The following ZFHX4 variants were observed in gnomAD, a reference collection of about 807,000 sequenced individuals.
ZFHX4 encodes zinc finger homeobox 4.
In ZFHX4, 56 loss-of-function variants were observed where a neutral mutation model predicts 267.6. That is an observed-to-expected ratio of 0.21 (90% CI 0.17 to 0.26). The LOEUF is 0.26. Among genes scored for constraint, ZFHX4 ranks in the 10% least tolerant of loss-of-function variants. The pLI is 1.00. For missense variants in ZFHX4, 4,332 were observed against 4,420.0 expected (o/e 0.98, Z 0.56); for synonymous variants, 1,778 against 1,665.6 (o/e 1.07, Z -1.64).
Position 76,705,431 on chromosome 8 carries a change from C to T in ZFHX4, c.1343C>T (p.Pro448Leu), listed in dbSNP as rs747741880. ...GACCAAGAGAACAACTGTGAAAGGC[C>T]AAAAGAAAGCAACGTTTTACACCCA... ...SKDQENNCER[P>L]KESNVLHPNG... Residue 448 changes from proline to leucine, a missense_variant, in exon 2 of 11, where the codon CCA (proline) becomes CTA (leucine). By Grantham distance (98) the Pro-to-Leu change is moderately conservative. Transcript: ENST00000651372. 54 of 1,613,666 alleles carry T rather than the reference C, an allele frequency of 3.3e-5. 3 individuals are homozygous for T. The South Asian group carries it at 5.9e-4, about 18-fold the overall frequency.
chr8:76,713,759 A>G (rs943746781), intron 3 of ZFHX4, among the ~76,000 whole-genome samples: 1 of 152,124 alleles, frequency 6.6e-6, no homozygotes, highest in East Asian at 1.9e-4. Context: ...TTCAGCGTGC[A>G]TTTTTTAAAA....
chr8:76,826,614 T>C (rs1056687234), intron 4 of ZFHX4, among the ~76,000 whole-genome samples: 1 of 152,164 alleles, frequency 6.6e-6, no homozygotes, highest in African/African-American at 2.4e-5. Context: ...AGAAATATTG[T>C]ATGATTCCAC....
Position 76,866,443 on chromosome 8 carries a change from T to A in ZFHX4, c.*1878T>A, listed in dbSNP as rs796475340. The A allele has an allele frequency of 4.6e-5, 7 of 152,498 alleles. No homozygotes were observed. The highest frequency in any genetic ancestry group is 1.7e-4 in the African/African-American group (7 of 41,464). The allele number at this position is 152,498 out of a possible 1,614,324, so 9.4% of individuals were successfully genotyped here. ...TCTATACATTTTATGTGAACTTTTT[T>A]AATGTCTTTAATTTGGATTTTTTTT... is the stretch of plus-strand genomic sequence containing the variant. On this transcript the variant is annotated 3_prime_UTR_variant, in exon 11 of 11. Coordinates refer to ENST00000651372, the MANE Select transcript of ZFHX4 (RefSeq NM_024721.5).
At chr8:76,786,870 C>T (rs1256699623) in intron 4 of ZFHX4, among the ~76,000 whole-genome samples, 1 of 152,102 alleles carries the variant, frequency 6.6e-6, no homozygotes, top group Non-Finnish European at 1.5e-5. Flanking sequence ...TATTTGTTCA[C>T]CATAACGAAG....
chr8:76,820,137 AATT>A (rs1276895887), intron 4 of ZFHX4, among the ~76,000 whole-genome samples: 22 of 152,174 alleles, frequency 1.4e-4, no homozygotes, highest in African/African-American at 5.3e-4. Flanking sequence ...CTTTGGCTGA[AATT>A]ATTTACCTTA....
chr8:76,864,315 C>G lies in ZFHX4; in HGVS notation c.10601C>G (p.Ser3534Cys). The change falls in exon 11 of 11, where the codon TCT becomes TGT. Residue 3534 changes from serine (S) to cysteine (C), a missense_variant. By Grantham distance (112) the Ser-to-Cys change is moderately radical. This residue lies in a region of ZFHX4 where 1,648 missense variants were observed against 1,625.0 expected (regional missense o/e 1.01). Transcript: ENST00000651372. ...TGGCCTAATATCCTTTTCCAAGCGT[C>G]TGCCAGGAGAGCTGCTTCTCCCCCT... ...KSWPNILFQA[S>C]ARRAASPPSS... 8.7e-6 allele frequency: 14 copies of G among 1,613,882 alleles called. No homozygotes were observed. Among genetic ancestry groups the G allele is most frequent in the Non-Finnish European group, 1.2e-5 (14 of 1,179,862 alleles).
chr8:76,852,188 T>C lies in ZFHX4; in HGVS notation c.5267T>C (p.Leu1756Ser). The C allele has an allele frequency of 6.2e-7, 1 of 1,613,908 alleles. No homozygotes were observed. The highest frequency in any genetic ancestry group is 2.2e-5 in the East Asian group (1 of 44,832). Reference protein sequence around the residue: ...TEFSLGPDLGLPGSATFGMPG... With the variant: ...TEFSLGPDLGSPGSATFGMPG... ...TTCAGCTTGGGGCCAGATTTGGGCT[T>C]GCCAGGCTCTGCCACATTTGGGATG... Residue 1756 changes from leucine (L) to serine (S), a missense_variant, in exon 10 of 11, where the codon TTG becomes TCG. Around this residue, in one of 7 missense-constraint regions of ZFHX4, gnomAD observed 1,371 missense variants for 1,423.1 expected, o/e 0.96. Transcript: ENST00000651372.
chr8:76,820,255 A>C (rs1468620319), intron 4 of ZFHX4, among the ~76,000 whole-genome samples: 1 of 151,914 alleles, frequency 6.6e-6, no homozygotes, highest in Non-Finnish European at 1.5e-5. Context: ...TTCCAAACAC[A>C]CTTTTTATTT....
intron 6 of ZFHX4, 142 bp from the exon 7 acceptor site, chr8:76,848,853 T>G: frequency 3.0e-5 from 22 of 737,050 alleles, no homozygotes; most frequent in Non-Finnish European, 4.5e-5. Flanking sequence ...TATTGCCTTT[T>G]GAGATTAGCA....
chr8:76,825,905 A>G (rs1179908844), intron 4 of ZFHX4, among the ~76,000 whole-genome samples: 1 of 152,236 alleles, frequency 6.6e-6, no homozygotes, highest in Non-Finnish European at 1.5e-5. Context: ...AGAAGCTTCC[A>G]AGAACCAAAT....
chr8:76,726,635 G>A (rs1808861291), intron 3 of ZFHX4, among the ~76,000 whole-genome samples: 3 of 152,060 alleles, frequency 2.0e-5, no homozygotes, highest in East Asian at 3.9e-4. Context: ...CTGAGAAAAA[G>A]TTAAAAGGAA....
chr8:76,852,359 A>C lies in ZFHX4; in HGVS notation c.5438A>C (p.Gln1813Pro). 1 of 1,553,432 alleles carries C rather than the reference A, an allele frequency of 6.4e-7. No homozygotes were observed. Among genetic ancestry groups the C allele is most frequent in the Non-Finnish European group, 8.7e-7 (1 of 1,147,852 alleles). Residue 1813 changes from glutamine to proline, a missense_variant, in exon 10 of 11, where the codon CAA becomes CCA. This residue lies in a region of ZFHX4 where 1,371 missense variants were observed against 1,423.1 expected (regional missense o/e 0.96). Coordinates refer to ENST00000651372, the MANE Select transcript of ZFHX4 (RefSeq NM_024721.5). ...GCCACACAGCCCCAGCTGCAGCCTC[A>C]AAAACAACAGCAGCAGCCACCACCT... ...YQATQPQLQP[Q>P]KQQQQPPPPQ...
At chr8:76,775,898 T>TC (rs368457780) in intron 3 of ZFHX4, among the ~76,000 whole-genome samples, 70 of 149,926 alleles carry the variant, frequency 4.7e-4, no homozygotes, top group African/African-American at 1.5e-3. Context: ...AAGTTTTCTT[T>TC]TTTTTTTTTT....
intron 4 of ZFHX4, among the ~76,000 whole-genome samples, chr8:76,820,692 A>G (rs1228616345): frequency 6.6e-6 from 1 of 152,236 alleles, no homozygotes; most frequent in Non-Finnish European, 1.5e-5. Context: ...TGGTATTGCC[A>G]TAAAACTTAA....
At chr8:76,816,976 C>A (rs1292821990) in intron 4 of ZFHX4, among the ~76,000 whole-genome samples, 1 of 152,020 alleles carries the variant, frequency 6.6e-6, no homozygotes, top group African/African-American at 2.4e-5. Context: ...TTAACTGTTA[C>A]ACATTTCCAG....
At chr8:76,761,369 T>C (rs1809908006) in intron 3 of ZFHX4, among the ~76,000 whole-genome samples, 1 of 152,236 alleles carries the variant, frequency 6.6e-6, no homozygotes, top group Non-Finnish European at 1.5e-5. Flanking sequence ...CTGTGTTTAT[T>C]TATCCTTGTA....
chr8:76,829,880 G>A (rs1051051557), intron 4 of ZFHX4, among the ~76,000 whole-genome samples: 1 of 152,034 alleles, frequency 6.6e-6, no homozygotes, highest in Non-Finnish European at 1.5e-5. Flanking sequence ...AACCATTTGG[G>A]TTACGCTAAA....
At chr8:76,778,501 A>G (rs1810462942) in intron 4 of ZFHX4, 62 bp downstream of exon 4, 1 of 1,229,328 alleles carries the variant, frequency 8.1e-7, no homozygotes. Context: ...TCACACACAC[A>G]CACACACAAA....
intron 4 of ZFHX4, among the ~76,000 whole-genome samples, chr8:76,787,151 A>T (rs1278521323): frequency 6.6e-6 from 1 of 152,196 alleles, no homozygotes; most frequent in Non-Finnish European, 1.5e-5. Flanking sequence ...TTATTGGCAT[A>T]CTGTCACATG....
Sources: allele counts gnomAD v4.1 joint callset (sites outside exome capture counted in the v4.1 genomes callset), GRCh38; gene constraint gnomAD v4.1.1; regional missense constraint gnomAD v4.1.1; transcripts MANE v1.5; gene names NCBI Gene and HGNC (gene_info 2026-07-23, HGNC 2026-07-21).